SLC5A7: variants seen among roughly 807,000 people sequenced by gnomAD.
SLC5A7 encodes the protein high affinity choline transporter 1.
A neutral mutation model predicts 55.4 loss-of-function variants in SLC5A7; 19 were observed. The ratio of observed to expected loss-of-function variants is 0.34; its 90% CI spans 0.24 to 0.50. The LOEUF is 0.50. Among genes scored for constraint, SLC5A7 ranks in the 20% least tolerant of loss-of-function variants. The pLI is 0.98. For missense variants in SLC5A7, 506 were observed against 705.3 expected, an observed-to-expected ratio of 0.72 and a Z score of 3.20; for synonymous variants, 265 against 263.7, an observed-to-expected ratio of 1.00 and a Z score of -0.05.
rs373325777 is a variant in SLC5A7 at position 108,011,767 on chromosome 2, A to G, written c.*906A>G. The G allele has an allele frequency of 6.6e-5, 10 of 152,166 alleles. No homozygotes were observed. Among genetic ancestry groups the G allele is most frequent in the African/African-American group, 2.4e-4 (10 of 41,444 alleles). 9.4% of individuals were successfully genotyped at this position (152,166 alleles called of 1,614,324 possible). A position where few individuals can be genotyped will look rare whatever the true frequency, so the allele number is the denominator to read the frequency against. Reference sequence around the variant, plus strand: ...AGGCCTTATGTAAGGAGAGGTAGCTACACAGCATCTGTTACGGTTAATGAG... The same window carrying G: ...AGGCCTTATGTAAGGAGAGGTAGCTGCACAGCATCTGTTACGGTTAATGAG... On this transcript the variant is annotated 3_prime_UTR_variant, in exon 9 of 9. Coordinates refer to ENST00000264047, the MANE Select transcript of SLC5A7 (RefSeq NM_021815.5).
In SLC5A7 at chr2:108,010,637, T is replaced by C. The variant is rs1382689201; in HGVS notation, c.1519T>C (p.Leu507=). 1 of 1,613,996 alleles carries C rather than the reference T, an allele frequency of 6.2e-7. No individual in the cohort carries two copies. The highest frequency in any genetic ancestry group is 1.3e-5 in the African/African-American group (1 of 75,040). The part of the protein sequence containing the change: ...LAKYLFESGT[L]PPKLDVFDAV... ...CAAGTATCTATTTGAAAGTGGAACC[T>C]TGCCACCTAAATTAGATGTATTTGA... Residue 507 remains leucine, a synonymous_variant, in exon 9 of 9, where the codon TTG becomes CTG. Transcript: ENST00000264047.
chr2:107,988,461 AG>A (rs1677329752), intron 2 of SLC5A7, 128 bp downstream of exon 2: 2 of 627,204 alleles, frequency 3.2e-6, no homozygotes, highest in Admixed American at 3.9e-5. Context: ...TATGTTCACT[AG>A]TTATATATAT....
Position 108,010,222 on chromosome 2 carries a change from T to C in SLC5A7, c.1114-10T>C, listed in dbSNP as rs771374406. 8.7e-6 allele frequency: 14 copies of C among 1,607,664 alleles called. No homozygotes were observed. Among genetic ancestry groups the C allele is most frequent in the African/African-American group, 1.3e-5 (1 of 74,714 alleles). On this transcript the variant is annotated splice_polypyrimidine_tract_variant and intron_variant, in intron 8 of 8. Transcript: ENST00000264047. ...GTGCAAAAAGCTGACACTGTGGCAA[T>C]TTCTTACAGGCTTCGGACAAAGAAA...
At position 107,994,305 on chromosome 2, in the gene SLC5A7, C is replaced by T. The variant is rs1414199253; in HGVS notation, c.448+1178C>T. Reference sequence around the variant, plus strand: ...ATACAGCAAGAACTAGGTGGGGGGCCGGGCGCGGTGGCTCACGCCTGTAAT... The same window carrying T: ...ATACAGCAAGAACTAGGTGGGGGGCTGGGCGCGGTGGCTCACGCCTGTAAT... On this transcript the variant is annotated intron_variant, in intron 4 of 8. Coordinates refer to ENST00000264047, the MANE Select transcript of SLC5A7 (RefSeq NM_021815.5). Among the ~76,000 whole-genome samples the T allele has an allele frequency of 4.6e-5, 7 of 152,234 alleles. 1 individual carries two copies. Among genetic ancestry groups the T allele is most frequent in the South Asian group, 4.1e-4 (2 of 4,822 alleles).
intron 2 of SLC5A7, among the ~76,000 whole-genome samples, chr2:107,989,261 T>C (rs1677356749): frequency 6.6e-6 from 1 of 152,186 alleles, no homozygotes; most frequent in Admixed American, 6.5e-5. Context: ...TGAGCGTTCA[T>C]TGGAAAAATA....
chr2:108,010,012 G>A lies in SLC5A7; in HGVS notation c.1114-220G>A, dbSNP rs6753886. On this transcript the variant is annotated intron_variant, in intron 8 of 8. Transcript: ENST00000264047. Reference sequence around the variant, plus strand: ...AAGGCTCAGGTGGCCTGTGTGTCATGCATCTGGTACACAGAAACCCCTCCC... The same window carrying A: ...AAGGCTCAGGTGGCCTGTGTGTCATACATCTGGTACACAGAAACCCCTCCC... Among the ~76,000 whole-genome samples, 56,622 of 151,998 alleles carry A rather than the reference G, an allele frequency of 0.37. 10,958 individuals carry two copies. Among genetic ancestry groups the A allele is most frequent in the East Asian group, 0.68 (3,524 of 5,150 alleles).
rs1678362794 is a variant in SLC5A7 at position 108,012,276 on chromosome 2, AAAGTG to A, written c.*1422_*1426del. On this transcript the variant is annotated 3_prime_UTR_variant, in exon 9 of 9. Transcript: ENST00000264047. The stretch of plus-strand genomic sequence containing the variant: ...TTACTGGAGCCATGTCTACAAAAGC[AAAGTG>A]AAGTGATGAGCTGAAAAGTGATCAG... 6.6e-6 allele frequency: 1 copy of A among 152,162 alleles called. No homozygotes were observed. The highest frequency in any genetic ancestry group is 1.5e-5 in the Non-Finnish European group (1 of 68,024). 9.4% of individuals were successfully genotyped at this position (152,162 alleles called of 1,614,324 possible).
chr2:107,998,858 C>T (rs564322367), intron 5 of SLC5A7, among the ~76,000 whole-genome samples: 1 of 150,176 alleles, frequency 6.7e-6, no homozygotes, highest in South Asian at 2.1e-4. Flanking sequence ...TGATTCTCCT[C>T]ATCTTTATTT....
intron 7 of SLC5A7, among the ~76,000 whole-genome samples, chr2:108,008,200 T>C (rs1678192035): frequency 6.6e-6 from 1 of 152,198 alleles, no homozygotes; most frequent in African/African-American, 2.4e-5. Flanking sequence ...CTAGGCAATG[T>C]AACACCATCA....
chr2:108,008,037 G>C (rs1171042473), intron 7 of SLC5A7, among the ~76,000 whole-genome samples: 2 of 152,210 alleles, frequency 1.3e-5, no homozygotes, highest in African/African-American at 4.8e-5. Context: ...TGTACAGAGA[G>C]ATGATGGCTG....
chr2:107,998,525 A>G (rs1677766362), intron 5 of SLC5A7, among the ~76,000 whole-genome samples: 1 of 152,224 alleles, frequency 6.6e-6, no homozygotes, highest in African/African-American at 2.4e-5. Flanking sequence ...TAATTATGAG[A>G]CATGAGTATT....
intron 6 of SLC5A7, among the ~76,000 whole-genome samples, chr2:108,005,577 C>G (rs1678076521): frequency 6.6e-6 from 1 of 152,146 alleles, no homozygotes; most frequent in Non-Finnish European, 1.5e-5. Flanking sequence ...AGTTGGGTAA[C>G]AAAGCATCAT....
intron 8 of SLC5A7, 135 bp downstream of exon 8, chr2:108,008,817 G>T (rs1403762126): frequency 1.7e-6 from 1 of 605,518 alleles, no homozygotes; most frequent in African/African-American, 1.9e-5. Flanking sequence ...AAGCATACGA[G>T]ATTAAATAAC....
chr2:107,993,133 G>A lies in SLC5A7; in HGVS notation c.448+6G>A. ...AGCAATTTTCTCTGCTTTGGGTAAG[G>A]ACCAGCTAAGTTGTCTAGCTGCATC... On this transcript the variant is annotated splice_donor_region_variant and intron_variant, in intron 4 of 8. Coordinates refer to ENST00000264047, the MANE Select transcript of SLC5A7 (RefSeq NM_021815.5). 2.5e-6 allele frequency: 4 copies of A among 1,614,074 alleles called. No homozygotes were observed. Among genetic ancestry groups the A allele is most frequent in the Non-Finnish European group, 2.5e-6 (3 of 1,179,956 alleles).
intron 2 of SLC5A7, among the ~76,000 whole-genome samples, chr2:107,988,841 C>A (rs957295243): frequency 6.6e-6 from 1 of 152,116 alleles, no homozygotes. Flanking sequence ...TTGAGTGATT[C>A]CCTGTTTTGA....
rs1677245570 is a variant in SLC5A7 at position 107,986,599 on chromosome 2, T to TGGAGACGCCGAGTGA, written c.-211_-197dup. On this transcript the variant is annotated 5_prime_UTR_variant, in exon 1 of 9. Transcript: ENST00000264047. Reference sequence around the variant, plus strand: ...TCAACTCTGCGCGCTCCCAGGTTCTTGGAGACGCCGAGTGAGGAGCCGCCC... The same window carrying TGGAGACGCCGAGTGA: ...TCAACTCTGCGCGCTCCCAGGTTCTTGGAGACGCCGAGTGAGGAGACGCCGAGTGAGGAGCCGCCC... 1 of 153,004 alleles carries TGGAGACGCCGAGTGA rather than the reference T, an allele frequency of 6.5e-6. No homozygotes were observed. The highest frequency in any genetic ancestry group is 1.5e-5 in the Non-Finnish European group (1 of 68,738). 9.5% of individuals were successfully genotyped at this position (153,004 alleles called of 1,614,324 possible).
In SLC5A7 at chr2:108,010,800, A is replaced by T; in HGVS notation, c.1682A>T (p.Glu561Val). 3.7e-6 allele frequency: 6 copies of T among 1,612,516 alleles called. No individual in the cohort carries two copies. Among genetic ancestry groups the T allele is most frequent in the African/African-American group, 2.7e-5 (2 of 74,902 alleles). The change falls in exon 9 of 9, where the codon GAG (glutamate) becomes GTG (valine). Residue 561 changes from glutamate (E) to valine (V), a missense_variant. By Grantham distance (121) the Glu-to-Val change is moderately radical. Around this residue, in one of 4 missense-constraint regions of SLC5A7, gnomAD observed 137 missense variants for 143.6 expected, o/e 0.95. Coordinates refer to ENST00000264047, the MANE Select transcript of SLC5A7 (RefSeq NM_021815.5). ...MTLSSTFTNK[E>V]AFLDVDSSPE... Reference sequence around the variant, plus strand: ...CTCAGCTCAACTTTCACCAATAAAGAGGCCTTCCTTGATGTTGATTCCAGT... The same window carrying T: ...CTCAGCTCAACTTTCACCAATAAAGTGGCCTTCCTTGATGTTGATTCCAGT...
At chr2:107,998,113 A>G (rs1558864099) in intron 5 of SLC5A7, 127 bp downstream of exon 5, 8 of 911,800 alleles carry the variant, frequency 8.8e-6, no homozygotes, top group Non-Finnish European at 1.2e-5. Context: ...AGTCACATAC[A>G]TGAAATTTCA....
intron 6 of SLC5A7, among the ~76,000 whole-genome samples, chr2:108,004,579 T>C (rs959225393): frequency 2.6e-5 from 4 of 152,204 alleles, no homozygotes; most frequent in Non-Finnish European, 4.4e-5. Flanking sequence ...CATTCATTCA[T>C]GTGACCAATA....
Sources: gnomAD v4.1 joint callset for allele counts (sites outside exome capture counted in the v4.1 genomes callset) on GRCh38, gnomAD v4.1.1 for gene constraint, gnomAD v4.1.1 regional missense constraint, MANE v1.5 for transcripts, NCBI Gene and HGNC (gene_info 2026-07-23, HGNC 2026-07-21) for gene names.